UNC5C: variants seen among roughly 807,000 people sequenced by gnomAD.
UNC5C encodes unc-5 netrin receptor C, also known as netrin receptor UNC5C.
In UNC5C, 47 loss-of-function variants were observed where a neutral mutation model predicts 99.8. The observed-to-expected ratio is 0.47, with a 90% confidence interval of 0.37 to 0.60. The LOEUF is 0.60. Among genes scored for constraint, UNC5C ranks in the 20% least tolerant of loss-of-function variants. UNC5C has a pLI of 0.00. For synonymous variants in UNC5C, 487 were observed against 452.2 expected (o/e 1.08, Z -0.98); for missense variants, 1,062 against 1,165.9 (o/e 0.91, Z 1.30).
intron 9 of UNC5C, among the ~76,000 whole-genome samples, chr4:95,216,611 AC>A (rs201783398): frequency 1.9e-3 from 292 of 152,248 alleles, no homozygotes; most frequent in African/African-American, 6.6e-3. Context: ...AAAAAAAAAA[AC>A]AACATGTATT....
chr4:95,335,645 A>C lies in UNC5C; in HGVS notation c.125-14T>G, dbSNP rs775283421. The C allele has an allele frequency of 1.9e-6, 3 of 1,593,960 alleles. No homozygotes were observed. The highest frequency in any genetic ancestry group is 1.1e-5 in the South Asian group (1 of 89,026). On this transcript the variant is annotated splice_polypyrimidine_tract_variant and intron_variant, in intron 1 of 15. Transcript: ENST00000453304. ...AAAAGTCATCATCTGAGAAAGAAGAAGAAAGTGGAAGATGGTTAACACATT... is the reference window on the plus strand; with the variant it reads ...AAAAGTCATCATCTGAGAAAGAAGACGAAAGTGGAAGATGGTTAACACATT...
intron 14 of UNC5C, among the ~76,000 whole-genome samples, chr4:95,171,808 C>A (rs950481681): frequency 6.6e-6 from 1 of 151,828 alleles, no homozygotes; most frequent in Non-Finnish European, 1.5e-5. Context: ...CCTGAGGAGT[C>A]GCCACACTGA....
At chr4:95,378,194 A>G (rs2149440920) in intron 1 of UNC5C, among the ~76,000 whole-genome samples, 1 of 152,350 alleles carries the variant, frequency 6.6e-6, no homozygotes, top group East Asian at 1.9e-4. Context: ...TGAGAATTAT[A>G]GTTTTAACAA....
intron 1 of UNC5C, among the ~76,000 whole-genome samples, chr4:95,437,388 A>T (rs1746825118): frequency 6.6e-6 from 1 of 151,948 alleles, no homozygotes; most frequent in Admixed American, 6.6e-5. Context: ...AAGACCAATA[A>T]TTCCATTTAC....
chr4:95,439,759 T>G (rs1746896204), intron 1 of UNC5C, among the ~76,000 whole-genome samples: 1 of 152,136 alleles, frequency 6.6e-6, no homozygotes, highest in Non-Finnish European at 1.5e-5. Context: ...ACAATGAATA[T>G]TCCCATTTAG....
chr4:95,273,476 A>T (rs1740737898), intron 4 of UNC5C, among the ~76,000 whole-genome samples: 1 of 152,208 alleles, frequency 6.6e-6, no homozygotes, highest in Non-Finnish European at 1.5e-5. Flanking sequence ...ATGAGCAAAG[A>T]GGATTAATTT....
intron 1 of UNC5C, among the ~76,000 whole-genome samples, chr4:95,383,590 A>G (rs754926715): frequency 1.3e-5 from 2 of 152,204 alleles, no homozygotes; most frequent in Non-Finnish European, 2.9e-5. Context: ...TGCTAACTGC[A>G]TGTATGTATA....
chr4:95,202,465 C>A (rs369704545), intron 12 of UNC5C, among the ~76,000 whole-genome samples: 1 of 152,222 alleles, frequency 6.6e-6, no homozygotes, highest in Non-Finnish European at 1.5e-5. Flanking sequence ...CCACGGGTCT[C>A]GTTGCCAAAT....
intron 12 of UNC5C, among the ~76,000 whole-genome samples, chr4:95,192,418 ACCT>A (rs1458539477): frequency 1.6e-4 from 2 of 12,580 alleles, no homozygotes; most frequent in Admixed American, 1.1e-3. Flanking sequence ...CCCCCTTCTC[ACCT>A]CCTCCCCTGT....
intron 2 of UNC5C, among the ~76,000 whole-genome samples, chr4:95,322,461 C>T (rs561130984): frequency 2.3e-4 from 35 of 152,132 alleles, no homozygotes; most frequent in African/African-American, 8.4e-4. Flanking sequence ...TTGTTATAAA[C>T]TACAGAAAAG....
At chr4:95,285,610 C>A (rs1408741180) in intron 3 of UNC5C, among the ~76,000 whole-genome samples, 4 of 152,090 alleles carry the variant, frequency 2.6e-5, no homozygotes, top group African/African-American at 9.7e-5. Flanking sequence ...ATCTAATATT[C>A]CTTATTGTTC....
intron 2 of UNC5C, among the ~76,000 whole-genome samples, chr4:95,304,350 T>A (rs945520701): frequency 4.6e-5 from 7 of 152,204 alleles, no homozygotes; most frequent in African/African-American, 1.7e-4. Context: ...GAAAGAAGAT[T>A]AGTAGATTAT....
At chr4:95,215,437 C>T (rs976215859) in intron 10 of UNC5C, among the ~76,000 whole-genome samples, 17 of 152,146 alleles carry the variant, frequency 1.1e-4, no homozygotes, top group African/African-American at 3.6e-4. Context: ...ATACCCAATA[C>T]GATTTGTTAG....
chr4:95,482,149 A>G (rs1233015150), intron 1 of UNC5C, among the ~76,000 whole-genome samples: 4 of 152,114 alleles, frequency 2.6e-5, no homozygotes, highest in Non-Finnish European at 4.4e-5. Context: ...AATGAACTCA[A>G]ACAAATTTAC....
chr4:95,275,663 T>C (rs1740834985), intron 4 of UNC5C, among the ~76,000 whole-genome samples: 1 of 152,220 alleles, frequency 6.6e-6, no homozygotes, highest in African/African-American at 2.4e-5. Flanking sequence ...GCCAAAGTGG[T>C]ATATCAAAAC....
chr4:95,540,557 G>C (rs1194917326), intron 1 of UNC5C, among the ~76,000 whole-genome samples: 1 of 152,120 alleles, frequency 6.6e-6, no homozygotes, highest in Non-Finnish European at 1.5e-5. Context: ...AAGGAAAAAG[G>C]AAAGTTGCTA....
At chr4:95,470,474 A>C (rs993757157) in intron 1 of UNC5C, among the ~76,000 whole-genome samples, 2 of 152,102 alleles carry the variant, frequency 1.3e-5, no homozygotes, top group African/African-American at 4.8e-5. Flanking sequence ...TGGGAAGGAG[A>C]TAGGGACTGT....
chr4:95,520,596 ATTT>A (rs10712546), intron 1 of UNC5C, among the ~76,000 whole-genome samples: 19 of 98,798 alleles, frequency 1.9e-4, no homozygotes, highest in East Asian at 2.8e-4. Flanking sequence ...ACTATCTAGT[ATTT>A]TTTTTTTTTT....
chr4:95,369,150 C>T (rs981907836), intron 1 of UNC5C, among the ~76,000 whole-genome samples: 6 of 151,976 alleles, frequency 3.9e-5, no homozygotes, highest in African/African-American at 7.2e-5. Flanking sequence ...TGAGCCACTG[C>T]GACCAGCCCA....
Sources: allele counts gnomAD v4.1 joint callset (sites outside exome capture counted in the v4.1 genomes callset), GRCh38; gene constraint gnomAD v4.1.1; transcripts MANE v1.5; gene names NCBI Gene and HGNC (gene_info 2026-07-23, HGNC 2026-07-21).